SZT2: variants seen among roughly 807,000 people sequenced by gnomAD.
The protein encoded by SZT2 is KICSTOR complex protein SZT2.
In SZT2, 216 loss-of-function variants were observed where a neutral mutation model predicts 404.2. The observed-to-expected ratio is 0.53, with a 90% CI of 0.48 to 0.60. The LOEUF (loss-of-function observed/expected upper bound fraction) is 0.60, where lower values mean the gene tolerates loss of function less well. Ranked by LOEUF, SZT2 falls within the 20% of genes least tolerant of loss-of-function variation. The pLI, the probability that SZT2 is intolerant of heterozygous loss-of-function variation, is 0.00. For missense variants in SZT2, 3,857 were observed against 4,459.2 expected, an observed-to-expected ratio of 0.86 and a Z score of 3.85; for synonymous variants, 1,693 against 1,749.9, an observed-to-expected ratio of 0.97 and a Z score of 0.81.
rs1175883495 is a variant in SZT2 at position 43,440,598 on chromosome 1, AGTG to A, written c.7344+16_7344+18del. 6.4e-7 allele frequency: 1 copy of A among 1,566,340 alleles called. No homozygotes were observed. The highest frequency in any genetic ancestry group is 1.4e-5 in the African/African-American group (1 of 72,550). On this transcript the variant is annotated intron_variant, in intron 52 of 71. Coordinates refer to ENST00000634258, the MANE Select transcript of SZT2 (RefSeq NM_001365999.1). ...TCTGGGATATGCTGGTAATGGAAGA[AGTG>A]GTGAAGTGGGCATCTACCTTTCTGC...
rs754705891 is a variant in SZT2 at position 43,422,191 on chromosome 1, A to G, written c.1735A>G (p.Met579Val). ...DANSWQRWLH[M>V]HRLVLILEHD... is the part of the protein sequence containing the mutation. Reference sequence around the variant, plus strand: ...AAATTCCTGGCAGCGATGGCTGCACATGCATCGCCTGGTGCTAATCCTGGA... The same window carrying G: ...AAATTCCTGGCAGCGATGGCTGCACGTGCATCGCCTGGTGCTAATCCTGGA... The change falls in exon 12 of 72, where the codon ATG (methionine) becomes GTG (valine). Residue 579 changes from methionine to valine, a missense_variant. Met to Val is a conservative substitution (Grantham distance 21). This residue lies in a region of SZT2 where 1,725 missense variants were observed against 1,881.0 expected (regional missense o/e 0.92). Coordinates refer to ENST00000634258, the MANE Select transcript of SZT2 (RefSeq NM_001365999.1). 2 of 1,595,768 alleles carry G rather than the reference A, an allele frequency of 1.3e-6. No individual in the cohort carries two copies. The highest frequency in any genetic ancestry group is 2.2e-5 in the East Asian group (1 of 44,806).
At position 43,426,557 on chromosome 1, in the gene SZT2, C is replaced by T. The variant is rs1309339691; in HGVS notation, c.3214+19C>T. 2.6e-6 allele frequency: 4 copies of T among 1,545,046 alleles called. No individual in the cohort carries two copies. The South Asian group carries it at 3.5e-5, about 14-fold the overall frequency. On this transcript the variant is annotated intron_variant, in intron 22 of 71. Coordinates refer to ENST00000634258, the MANE Select transcript of SZT2 (RefSeq NM_001365999.1). This position sits in a 1 kb window ranked among gnomAD's most constrained non-coding sequence, Gnocchi z 4.9. ...GTTCCAGGTGAGTTCCCCACATCCT[C>T]CTGACACCAGACCCTGGCCCAGCCC... is the stretch of plus-strand genomic sequence containing the variant.
Position 43,429,859 on chromosome 1 carries a change from T to A in SZT2, c.4308+15T>A. The A allele has an allele frequency of 6.2e-7, 1 of 1,613,882 alleles. No individual in the cohort carries two copies. Among genetic ancestry groups the A allele is most frequent in the Non-Finnish European group, 8.5e-7 (1 of 1,180,000 alleles). ...GCGTCATCCAGGTGGGAAGCTTGGG[T>A]GAGGGTAGAAGAGGTGTTAGAGTCC... On this transcript the variant is annotated intron_variant, in intron 29 of 71. Transcript: ENST00000634258.
intron 1 of SZT2, among the ~76,000 whole-genome samples, chr1:43,399,546 C>T (rs893539456): frequency 6.7e-6 from 1 of 150,026 alleles, no homozygotes; most frequent in Non-Finnish European, 1.5e-5. Flanking sequence ...ACTGCAAGCT[C>T]CGCCTCCCGG....
chr1:43,414,961 C>G, intron 4 of SZT2, 121 bp from the exon 5 acceptor site: 1 of 1,303,690 alleles, frequency 7.7e-7, no homozygotes, highest in South Asian at 1.5e-5. Flanking sequence ...ATACCTTAGA[C>G]CCTGGTTGGG....
In SZT2 at chr1:43,453,043, T is replaced by C; in HGVS notation, c.*2563T>C. On this transcript the variant is annotated 3_prime_UTR_variant, in exon 72 of 72. Coordinates refer to ENST00000634258, the MANE Select transcript of SZT2 (RefSeq NM_001365999.1). ...CAAGCATCACTACCTGTAAGCAGCT[T>C]TCTCTGATCCAGACAGGGTTAGGTG... 9 of 1,291,318 alleles carry C rather than the reference T, an allele frequency of 7.0e-6. No individual in the cohort carries two copies. The highest frequency in any genetic ancestry group is 4.8e-5 in the East Asian group (2 of 41,540). 80.0% of individuals were successfully genotyped at this position (1,291,318 alleles called of 1,614,324 possible). A position where few individuals can be genotyped will look rare whatever the true frequency, so the allele number is the denominator to read the frequency against.
rs1336289842 is a variant in SZT2, at chr1:43,430,804, G to T, written c.4774+15G>T. On this transcript the variant is annotated intron_variant, in intron 32 of 71. Coordinates refer to ENST00000634258, the MANE Select transcript of SZT2 (RefSeq NM_001365999.1). ...TACCTGCCTGGGTGAGTTTGAGGCA[G>T]CCCGAGGGAAAGCCAAAGGTCCTGG... 6.2e-7 allele frequency: 1 copy of T among 1,600,362 alleles called. No individual in the cohort carries two copies.
chr1:43,448,807 C>A lies in SZT2; in HGVS notation c.10086+79C>A. 1 of 1,339,372 alleles carries A rather than the reference C, an allele frequency of 7.5e-7. No homozygotes were observed. Among genetic ancestry groups the A allele is most frequent in the Non-Finnish European group, 1.1e-6 (1 of 932,210 alleles). The allele number at this position is 1,339,372 out of a possible 1,614,324, so 83.0% of individuals were successfully genotyped here. A position where few individuals can be genotyped will look rare whatever the true frequency, so the allele number is the denominator to read the frequency against. On this transcript the variant is annotated intron_variant, in intron 70 of 71. Coordinates refer to ENST00000634258, the MANE Select transcript of SZT2 (RefSeq NM_001365999.1). The surrounding 1 kb of genome is among the most constrained non-coding windows in gnomAD (Gnocchi z 4.2). Reference sequence around the variant, plus strand: ...AAACAGATGTGCCCCTCAGCCTGACCAAACAAGCTCTGCTCTGGAGGGAGG... The same window carrying A: ...AAACAGATGTGCCCCTCAGCCTGACAAAACAAGCTCTGCTCTGGAGGGAGG...
intron 1 of SZT2, among the ~76,000 whole-genome samples, chr1:43,395,569 G>A (rs1648897923): frequency 6.6e-6 from 1 of 152,186 alleles, no homozygotes; most frequent in Non-Finnish European, 1.5e-5. Flanking sequence ...CCAAAGTGCT[G>A]GAATTGCAGG....
chr1:43,453,077 G>C lies in SZT2; in HGVS notation c.*2597G>C. On this transcript the variant is annotated 3_prime_UTR_variant, in exon 72 of 72. Coordinates refer to ENST00000634258, the MANE Select transcript of SZT2 (RefSeq NM_001365999.1). The stretch of plus-strand genomic sequence containing the variant: ...CCAGACAGGGTTAGGTGCCTACCCT[G>C]CTCCCACAGCTTCCTGGAATAGGCC... 1.2e-6 allele frequency: 1 copy of C among 864,488 alleles called. No homozygotes were observed. The highest frequency in any genetic ancestry group is 1.9e-6 in the Non-Finnish European group (1 of 519,360). 53.6% of individuals were successfully genotyped at this position (864,488 alleles called of 1,614,324 possible).
Position 43,426,664 on chromosome 1 carries a change from C to A in SZT2, c.3215-51C>A. On this transcript the variant is annotated intron_variant, in intron 22 of 71. Transcript: ENST00000634258. This position sits in a 1 kb window ranked among gnomAD's most constrained non-coding sequence, Gnocchi z 4.9. ...TCCCCCTTTCTTCAACCCAGAGTCC[C>A]GCCTCTCTGCTGGCCCTGCCCTCTT... 1 of 1,535,000 alleles carries A rather than the reference C, an allele frequency of 6.5e-7. No individual in the cohort carries two copies. The highest frequency in any genetic ancestry group is 2.4e-5 in the East Asian group (1 of 41,674).
chr1:43,447,496 T>G (rs556153015), intron 66 of SZT2, 49 bp from the exon 67 acceptor site: 1 of 1,590,928 alleles, frequency 6.3e-7, no homozygotes, highest in Non-Finnish European at 8.6e-7. Flanking sequence ...CAGACCAGTG[T>G]GTCTGTCCTA....
intron 1 of SZT2, among the ~76,000 whole-genome samples, chr1:43,399,736 C>T (rs185860995): frequency 9.2e-5 from 14 of 152,020 alleles, no homozygotes; most frequent in Admixed American, 9.2e-4. Context: ...GCTGGGATTA[C>T]AGACGTGAGC....
intron 28 of SZT2, chr1:43,429,189 C>G (rs563311831): frequency 2.0e-4 from 31 of 155,844 alleles, no homozygotes; most frequent in Non-Finnish European, 2.4e-4. Flanking sequence ...TGGGAGTTAT[C>G]GCTACTCTGT....
intron 4 of SZT2, among the ~76,000 whole-genome samples, chr1:43,410,905 G>A (rs917711492): frequency 6.7e-6 from 1 of 149,950 alleles, no homozygotes; most frequent in African/African-American, 2.5e-5. Context: ...TATATTGGGG[G>A]TTGGGGGGGG....
rs1485981743 is a variant in SZT2 at position 43,442,137 on chromosome 1, G to T, written c.7873+7G>T. The T allele has an allele frequency of 8.0e-7, 1 of 1,250,406 alleles. No individual in the cohort carries two copies. Among genetic ancestry groups the T allele is most frequent in the Admixed American group, 1.9e-5 (1 of 53,132 alleles). The allele number at this position is 1,250,406 out of a possible 1,614,324, so 77.5% of individuals were successfully genotyped here. A position where few individuals can be genotyped will look rare whatever the true frequency, so the allele number is the denominator to read the frequency against. ...AGGAGACCAACACAGCAGGGTGAGG[G>T]CATGGCCCGGGGGGGCGGGGGGCGG... On this transcript the variant is annotated splice_region_variant and intron_variant, in intron 56 of 71. Transcript: ENST00000634258. The surrounding 1 kb of genome is among the most constrained non-coding windows in gnomAD (Gnocchi z 4.5).
chr1:43,448,383 C>G lies in SZT2; in HGVS notation c.9868C>G (p.Pro3290Ala). Residue 3290 changes from proline (P) to alanine (A), a missense_variant, in exon 69 of 72, where the codon CCT becomes GCT. Pro to Ala is a conservative substitution (Grantham distance 27, BLOSUM62 -1). Coordinates refer to ENST00000634258, the MANE Select transcript of SZT2 (RefSeq NM_001365999.1). This position sits in a 1 kb window ranked among gnomAD's most constrained non-coding sequence, Gnocchi z 4.2. ...CCTCTTCTTGCTGGAGCCACCGGGG[C>G]CTGATCGACTGCGGCTAGGGGGGCG... ...KRLFLLEPPG[P>A]DRLRLGGRLA... The G allele has an allele frequency of 6.4e-7, 1 of 1,564,172 alleles. No homozygotes were observed. The highest frequency in any genetic ancestry group is 2.4e-5 in the East Asian group (1 of 41,664).
chr1:43,431,223 G>T, intron 33 of SZT2, 42 bp from the exon 34 acceptor site: 5 of 1,566,828 alleles, frequency 3.2e-6, no homozygotes, highest in Non-Finnish European at 4.3e-6. Flanking sequence ...GCCCTGGTAG[G>T]ATAGTAACTC....
chr1:43,435,518 GATTTTCATGGAAGTA>G (rs1654370507), intron 42 of SZT2, among the ~76,000 whole-genome samples, 189 bp downstream of exon 42: 1 of 152,216 alleles, frequency 6.6e-6, no homozygotes, highest in Non-Finnish European at 1.5e-5. Context: ...GTTCATCAGT[GATTTTCATGGAAGTA>G]ATTTCAGTAG....
Sources: allele counts gnomAD v4.1 joint callset (sites outside exome capture counted in the v4.1 genomes callset), GRCh38; gene constraint gnomAD v4.1.1; regional missense constraint gnomAD v4.1.1; non-coding constraint Gnocchi (gnomAD v3.1); transcripts MANE v1.5; gene names NCBI Gene and HGNC (gene_info 2026-07-23, HGNC 2026-07-21).